EPHA7: variants seen among roughly 807,000 people sequenced by gnomAD.
EPHA7 encodes the protein ephrin type-A receptor 7.
In EPHA7, 25 loss-of-function variants were observed where a neutral mutation model predicts 112.6. The observed-to-expected ratio is 0.22, with a 90% confidence interval of 0.16 to 0.31. The LOEUF is 0.31. Among genes scored for constraint, EPHA7 ranks in the 10% least tolerant of loss-of-function variants. The pLI is 1.00. For missense variants in EPHA7, 962 were observed against 1,212.6 expected, an observed-to-expected ratio of 0.79 and a Z score of 3.07; for synonymous variants, 437 against 406.5, an observed-to-expected ratio of 1.07 and a Z score of -0.90.
At chr6:93,392,062 T>C (rs1777935360) in intron 3 of EPHA7, among the ~76,000 whole-genome samples, 1 of 151,994 alleles carries the variant, frequency 6.6e-6, no homozygotes, top group African/African-American at 2.4e-5. Context: ...CAGTACATTC[T>C]CCTGCTCTAC....
At position 93,411,118 on chromosome 6, in the gene EPHA7, T is replaced by C; in HGVS notation, c.215A>G (p.Gln72Arg). ...GTTGGGCTCCATGACTTGGCACACC[T>C]GGTATGTTCGTATCGGGGTATAGTT... ...DENYTPIRTY[Q>R]VCQVMEPNQN... Residue 72 changes from glutamine (Q) to arginine (R), a missense_variant, in exon 3 of 17, where the codon CAG becomes CGG. This residue lies in a region of EPHA7 where 160 missense variants were observed against 263.6 expected (regional missense o/e 0.61). Transcript: ENST00000369303. The C allele has an allele frequency of 6.2e-7, 1 of 1,613,838 alleles. No individual in the cohort carries two copies. Among genetic ancestry groups the C allele is most frequent in the Non-Finnish European group, 8.5e-7 (1 of 1,179,944 alleles).
chr6:93,261,473 C>A (rs1448604349), intron 9 of EPHA7, among the ~76,000 whole-genome samples: 1 of 151,334 alleles, frequency 6.6e-6, no homozygotes, highest in Non-Finnish European at 1.5e-5. Flanking sequence ...AAATAAAATA[C>A]CTGGTTTTAA....
chr6:93,364,112 A>G (rs1776386183), intron 3 of EPHA7, among the ~76,000 whole-genome samples: 1 of 152,232 alleles, frequency 6.6e-6, no homozygotes, highest in African/African-American at 2.4e-5. Context: ...AATGTTCTAA[A>G]AATGATTTGC....
intron 3 of EPHA7, among the ~76,000 whole-genome samples, chr6:93,361,548 C>G (rs1178456167): frequency 4.6e-5 from 7 of 151,976 alleles, no homozygotes; most frequent in African/African-American, 1.4e-4. Context: ...CTGAGAGATA[C>G]ATACATACAG....
chr6:93,325,648 C>G (rs961582554), intron 5 of EPHA7, among the ~76,000 whole-genome samples: 3 of 151,206 alleles, frequency 2.0e-5, no homozygotes, highest in Non-Finnish European at 4.4e-5. Flanking sequence ...ACAAAATGAA[C>G]CACCACTTTT....
chr6:93,397,724 TA>T (rs1298955261), intron 3 of EPHA7, among the ~76,000 whole-genome samples: 2 of 151,956 alleles, frequency 1.3e-5, no homozygotes, highest in Non-Finnish European at 2.9e-5. Flanking sequence ...CCTTTAGGTT[TA>T]TATGAATATA....
At chr6:93,329,573 A>C (rs900531840) in intron 5 of EPHA7, among the ~76,000 whole-genome samples, 5 of 151,262 alleles carry the variant, frequency 3.3e-5, no homozygotes, top group Non-Finnish European at 5.9e-5. Flanking sequence ...CTTTTCCAAC[A>C]CAGCTATTCT....
intron 5 of EPHA7, among the ~76,000 whole-genome samples, chr6:93,293,668 T>C (rs1016547502): frequency 3.3e-5 from 5 of 152,184 alleles, no homozygotes; most frequent in African/African-American, 1.2e-4. Flanking sequence ...GCTTCATGAA[T>C]GCATTTTGAC....
chr6:93,405,813 G>GTGTGTGTATATATATATATA (rs1357089640), intron 3 of EPHA7, among the ~76,000 whole-genome samples: 1 of 73,984 alleles, frequency 1.4e-5, no homozygotes, highest in African/African-American at 5.2e-5. Context: ...GTGTGTGTGT[G>GTGTGTGTATATATATATATA]TATATATATA....
intron 3 of EPHA7, among the ~76,000 whole-genome samples, chr6:93,393,781 C>T (rs1165774735): frequency 6.6e-6 from 1 of 151,716 alleles, no homozygotes; most frequent in African/African-American, 2.4e-5. Flanking sequence ...ATCCATTAAC[C>T]AGTGATTCCA....
chr6:93,265,442 TC>T (rs1770887779), intron 7 of EPHA7, among the ~76,000 whole-genome samples: 1 of 151,738 alleles, frequency 6.6e-6, no homozygotes, highest in African/African-American at 2.4e-5. Flanking sequence ...GCTGAACTTT[TC>T]TGACAGTCTC....
intron 3 of EPHA7, among the ~76,000 whole-genome samples, chr6:93,405,801 G>GTA (rs1476234281): frequency 3.5e-3 from 225 of 64,132 alleles, no homozygotes; most frequent in South Asian, 9.7e-3. Flanking sequence ...GTGTGTGTGT[G>GTA]TGTGTGTGTG....
chr6:93,393,644 A>T (rs1036760838), intron 3 of EPHA7, among the ~76,000 whole-genome samples: 1 of 151,874 alleles, frequency 6.6e-6, no homozygotes, highest in African/African-American at 2.4e-5. Context: ...AAGGGGTAGA[A>T]ACTTACTTGA....
chr6:93,278,200 C>A (rs1771560009), intron 5 of EPHA7, among the ~76,000 whole-genome samples: 1 of 151,964 alleles, frequency 6.6e-6, no homozygotes, highest in Non-Finnish European at 1.5e-5. Context: ...TAAGGGGCAT[C>A]AGTTTGTGGA....
chr6:93,241,258 T>C lies in EPHA7; in HGVS notation c.*2168A>G, dbSNP rs1290096139. The C allele has an allele frequency of 4.5e-6, 1 of 219,904 alleles. No individual in the cohort carries two copies. Among genetic ancestry groups the C allele is most frequent in the Non-Finnish European group, 9.1e-6 (1 of 109,522 alleles). The allele number at this position is 219,904 out of a possible 1,614,324, so 13.6% of individuals were successfully genotyped here. Reference sequence around the variant, plus strand: ...TATGAACAAGAAAAGAACTTCATTATTAGTGAGTCTAGAATCCAAAAGGAA... The same window carrying C: ...TATGAACAAGAAAAGAACTTCATTACTAGTGAGTCTAGAATCCAAAAGGAA... On this transcript the variant is annotated 3_prime_UTR_variant, in exon 17 of 17. Coordinates refer to ENST00000369303, the MANE Select transcript of EPHA7 (RefSeq NM_004440.4).
chr6:93,328,297 A>G (rs944415265), intron 5 of EPHA7, among the ~76,000 whole-genome samples: 2 of 151,504 alleles, frequency 1.3e-5, no homozygotes, highest in African/African-American at 4.8e-5. Flanking sequence ...CACATTTAGT[A>G]TATTTCTGTC....
At chr6:93,258,077 T>C in intron 11 of EPHA7, 22 bp downstream of exon 11, 1 of 1,592,588 alleles carries the variant, frequency 6.3e-7, no homozygotes, top group Non-Finnish European at 8.6e-7. Flanking sequence ...TTTGATAAAA[T>C]AAAGATATAA....
At chr6:93,301,817 A>G (rs553180617) in intron 5 of EPHA7, among the ~76,000 whole-genome samples, 1 of 152,280 alleles carries the variant, frequency 6.6e-6, no homozygotes, top group Non-Finnish European at 1.5e-5. Flanking sequence ...AGTTACCACA[A>G]CTACCCAGTA....
At chr6:93,386,888 G>A (rs1777634769) in intron 3 of EPHA7, among the ~76,000 whole-genome samples, 2 of 151,996 alleles carry the variant, frequency 1.3e-5, no homozygotes, top group Admixed American at 6.6e-5. Context: ...TGGGATGGAG[G>A]GCACCAAGTC....
Sources: gnomAD v4.1 joint callset for allele counts (sites outside exome capture counted in the v4.1 genomes callset) on GRCh38, gnomAD v4.1.1 for gene constraint, gnomAD v4.1.1 regional missense constraint, MANE v1.5 for transcripts, NCBI Gene and HGNC (gene_info 2026-07-23, HGNC 2026-07-21) for gene names.